Variants in ENSA observed in about 807,000 individuals in gnomAD.
ENSA encodes the protein endosulfine alpha.
In ENSA, 7 loss-of-function variants were observed where a neutral mutation model predicts 16.8. The ratio of observed to expected loss-of-function variants is 0.42; its 90% CI spans 0.24 to 0.78. The LOEUF (loss-of-function observed/expected upper bound fraction) is 0.78, where lower values mean the gene tolerates loss of function less well. ENSA is among the 30% of genes least tolerant of loss of function. ENSA has a pLI of 0.29. For missense variants in ENSA, 87 were observed against 142.3 expected (o/e 0.61, Z 1.98); for synonymous variants, 58 against 53.4 (o/e 1.09, Z -0.37).
chr1:150,628,983 T>A, intron 1 of ENSA: 2 of 1,515,200 alleles, frequency 1.3e-6, no homozygotes, highest in Non-Finnish European at 1.8e-6. Context: ...TACTGGTTTT[T>A]TTTTAAACGT....
At chr1:150,628,204 C>A (rs35118879) in intron 1 of ENSA, among the ~76,000 whole-genome samples, 6,676 of 152,254 alleles carry the variant, frequency 0.044, 245 homozygotes, top group Non-Finnish European at 0.071. Flanking sequence ...TGCTACACGA[C>A]AAAGCAGTTC....
At chr1:150,623,570 A>C (rs1240486261) in intron 3 of ENSA, 1 of 985,646 alleles carries the variant, frequency 1.0e-6, no homozygotes, top group Admixed American at 6.2e-5. Flanking sequence ...CAGCTCAGAC[A>C]GAAAAGAAAA....
chr1:150,625,001 G>A, intron 3 of ENSA: 15 of 985,460 alleles, frequency 1.5e-5, no homozygotes, highest in Non-Finnish European at 1.8e-5. Flanking sequence ...CTGGAAGAGA[G>A]AGAGAAGGTG....
chr1:150,629,375 G>T (rs913220427), intron 1 of ENSA, 39 bp downstream of exon 1: 8 of 1,603,696 alleles, frequency 5.0e-6, no homozygotes, highest in Admixed American at 1.7e-5. Context: ...CCCCATCACG[G>T]TCTCCCCAGC....
chr1:150,628,978 G>GA (rs1553184291), intron 1 of ENSA: 30 of 1,454,642 alleles, frequency 2.1e-5, no homozygotes, highest in Middle Eastern at 3.5e-4. Context: ...CCCAATACTG[G>GA]TTTTTTTTTA....
At chr1:150,626,596 GC>G in intron 2 of ENSA, 1 of 1,209,566 alleles carries the variant, frequency 8.3e-7, no homozygotes, top group Non-Finnish European at 1.2e-6. Flanking sequence ...TCGCTATGTT[GC>G]CCAGGCTGGA....
intron 1 of ENSA, chr1:150,629,177 A>C (rs1235426224): frequency 6.2e-7 from 1 of 1,613,206 alleles, no homozygotes; most frequent in African/African-American, 1.3e-5. Context: ...CACAGCGTCC[A>C]AGGTTTGAGC....
chr1:150,625,004 A>G (rs1426003910), intron 3 of ENSA: 11 of 985,452 alleles, frequency 1.1e-5, no homozygotes, highest in Non-Finnish European at 1.3e-5. Flanking sequence ...GAAGAGAGAG[A>G]GAAGGTGCCC....
intron 1 of ENSA, 38 bp from the exon 2 acceptor site, chr1:150,627,630 G>A: frequency 1.3e-6 from 2 of 1,579,200 alleles, no homozygotes; most frequent in Non-Finnish European, 1.7e-6. Flanking sequence ...ATTAAAGACT[G>A]AGAAACAACA....
chr1:150,623,410 G>A (rs1649090911), intron 3 of ENSA: 2 of 985,692 alleles, frequency 2.0e-6, no homozygotes, highest in Admixed American at 6.1e-5. Context: ...AATGTAGCTT[G>A]TTTGTTTTCT....
At chr1:150,625,433 G>C (rs1649231874) in intron 3 of ENSA, 2 of 1,271,776 alleles carry the variant, frequency 1.6e-6, no homozygotes, top group African/African-American at 3.1e-5. Flanking sequence ...CTGGACTACA[G>C]GGAGTGTGTG....
intron 3 of ENSA, chr1:150,624,214 A>C (rs1649151780): frequency 1.0e-6 from 1 of 985,440 alleles, no homozygotes; most frequent in Admixed American, 6.2e-5. Flanking sequence ...CTCATGATAA[A>C]AGAGCTGGGT....
At chr1:150,623,936 C>T (rs1649130555) in intron 3 of ENSA, 1 of 985,414 alleles carries the variant, frequency 1.0e-6, no homozygotes, top group Non-Finnish European at 1.2e-6. Flanking sequence ...ATATACACAC[C>T]TCATCCCCCC....
rs1649600882 is a variant in ENSA, at chr1:150,629,583, T to A, written c.-113A>T. 2.2e-6 allele frequency: 3 copies of A among 1,379,704 alleles called. No homozygotes were observed. In the Admixed American group the frequency reaches 6.7e-5, roughly 31 times the overall value. 85.5% of individuals were successfully genotyped at this position (1,379,704 alleles called of 1,614,324 possible). A position where few individuals can be genotyped will look rare whatever the true frequency, so the allele number is the denominator to read the frequency against. On this transcript the variant is annotated 5_prime_UTR_variant, in exon 1 of 4. Transcript: ENST00000369014. The stretch of plus-strand genomic sequence containing the variant: ...CTGCTTCGGCTCCTGTCACTAGGGT[T>A]GCTCAGTCAAAATGGCGGCCCTTGC...
intron 2 of ENSA, chr1:150,626,347 A>AC: frequency 1.3e-6 from 1 of 789,058 alleles, no homozygotes; most frequent in Non-Finnish European, 2.1e-6. Context: ...CAGCTCCCAC[A>AC]CATGTTCCAT....
intron 1 of ENSA, 138 bp downstream of exon 1, chr1:150,629,276 G>C (rs1649572389): frequency 1.3e-6 from 2 of 1,507,742 alleles, no homozygotes; most frequent in Admixed American, 1.9e-5. Context: ...TCGTGTTGAA[G>C]CTCACCCAGC....
intron 3 of ENSA, chr1:150,624,403 C>T: frequency 1.0e-6 from 1 of 985,922 alleles, no homozygotes; most frequent in Non-Finnish European, 1.2e-6. Flanking sequence ...TAACAATATA[C>T]CTGGCATCAG....
chr1:150,624,974 C>T (rs1649201902), intron 3 of ENSA: 3 of 985,372 alleles, frequency 3.0e-6, no homozygotes, highest in African/African-American at 1.7e-5. Flanking sequence ...TCCCATGATA[C>T]TTTCAAAAGC....
At chr1:150,628,927 GCCTTAAACTAGCCATTAT>G (rs1448859893) in intron 1 of ENSA, 1 of 927,746 alleles carries the variant, frequency 1.1e-6, no homozygotes, top group Non-Finnish European at 1.7e-6. Flanking sequence ...GAAAGTTGCC[GCCTTAAACTAGCCATTAT>G]AATAACTACA....
Sources: gnomAD v4.1 joint callset for allele counts (sites outside exome capture counted in the v4.1 genomes callset) on GRCh38, gnomAD v4.1.1 for gene constraint, MANE v1.5 for transcripts, NCBI Gene and HGNC (gene_info 2026-07-23, HGNC 2026-07-21) for gene names.